The following CMIP variants were observed in gnomAD, a reference collection of about 807,000 sequenced individuals.
CMIP encodes C-Maf-inducing protein.
CMIP carries 13 observed loss-of-function variants against 97.3 expected under a neutral mutation model. The ratio of observed to expected loss-of-function variants is 0.13; its 90% confidence interval spans 0.09 to 0.21. CMIP has a LOEUF of 0.21. CMIP is among the 10% of genes least tolerant of loss of function. The pLI is 1.00. For missense variants in CMIP, 847 were observed against 1,024.9 expected, an observed-to-expected ratio of 0.83 and a Z score of 2.37; for synonymous variants, 538 against 436.3, an observed-to-expected ratio of 1.23 and a Z score of -2.91.
intron 1 of CMIP, among the ~76,000 whole-genome samples, chr16:81,446,075 G>T (rs141278020): frequency 1.4e-3 from 206 of 152,204 alleles, no homozygotes; most frequent in African/African-American, 4.7e-3. Flanking sequence ...TTTCCTGCCA[G>T]GGCTGGCAGG....
intron 1 of CMIP, among the ~76,000 whole-genome samples, chr16:81,447,911 G>T (rs1905960088): frequency 6.6e-6 from 1 of 152,220 alleles, no homozygotes; most frequent in Admixed American, 6.5e-5. Context: ...TGAGACACCT[G>T]GTTGGTGTCC....
intron 13 of CMIP, among the ~76,000 whole-genome samples, chr16:81,694,967 A>G (rs1906536610): frequency 6.6e-6 from 1 of 152,222 alleles, no homozygotes; most frequent in African/African-American, 2.4e-5. Flanking sequence ...CCACCTGTGA[A>G]GACAGCGTCT....
In CMIP at chr16:81,655,214, C is replaced by T. The variant is rs1597203773; in HGVS notation, c.640-2561C>T. The stretch of plus-strand genomic sequence containing the variant: ...AACATCTGCCTTCGACCTCCGTGCC[C>T]TGTTTTGGGGCTGGGTTGTTTCTCT... On this transcript the variant is annotated intron_variant, in intron 4 of 20. Coordinates refer to ENST00000537098, the MANE Select transcript of CMIP (RefSeq NM_198390.3). The surrounding 1 kb of genome is among the most constrained non-coding windows in gnomAD (Gnocchi z 4.9). 6.6e-6 allele frequency among the ~76,000 whole-genome samples: 1 copy of T among 152,118 alleles called. No homozygotes were observed. Among genetic ancestry groups the T allele is most frequent in the Non-Finnish European group, 1.5e-5 (1 of 68,024 alleles).
intron 7 of CMIP, chr16:81,664,800 A>G (rs1413958837): frequency 5.5e-5 from 17 of 311,334 alleles, no homozygotes; most frequent in Non-Finnish European, 5.8e-6. Flanking sequence ...ATCAAGGTCA[A>G]CATCGACAAC....
At chr16:81,604,417 G>T (rs1196952263) in intron 1 of CMIP, among the ~76,000 whole-genome samples, 1 of 121,372 alleles carries the variant, frequency 8.2e-6, no homozygotes, top group Non-Finnish European at 1.7e-5. Context: ...AAAAAAAAAA[G>T]GACCGGCTGC....
chr16:81,701,386 C>A (rs1907383778), intron 15 of CMIP, among the ~76,000 whole-genome samples: 1 of 152,206 alleles, frequency 6.6e-6, no homozygotes, highest in Non-Finnish European at 1.5e-5. Flanking sequence ...CGGGGGCCTG[C>A]CCCATGTCCA....
chr16:81,577,684 A>G (rs906653101), intron 1 of CMIP, among the ~76,000 whole-genome samples: 2 of 149,482 alleles, frequency 1.3e-5, no homozygotes. Context: ...TTACCACTAC[A>G]TTATTATCAC....
chr16:81,678,337 A>T lies in CMIP; in HGVS notation c.1097A>T (p.Lys366Met). The T allele has an allele frequency of 6.2e-7, 1 of 1,611,478 alleles. No individual in the cohort carries two copies. Among genetic ancestry groups the T allele is most frequent in the Non-Finnish European group, 8.5e-7 (1 of 1,178,236 alleles). Residue 366 changes from lysine to methionine, a missense_variant, in exon 10 of 21, where the codon AAG (lysine) becomes ATG (methionine). Physicochemically the swap from Lys to Met is moderately conservative, Grantham distance 95. Transcript: ENST00000537098. ...GGCTGCCAGCAGCCGTGCGACCGGA[A>T]GCCCACTTTACCTCTGCGCCTTCTG... Reference protein sequence around the residue: ...RNGCQQPCDRKPTLPLRLLHP... With the variant: ...RNGCQQPCDRMPTLPLRLLHP...
intron 1 of CMIP, among the ~76,000 whole-genome samples, chr16:81,540,643 A>AGAGT (rs1179346577): frequency 7.0e-6 from 1 of 141,876 alleles, no homozygotes; most frequent in African/African-American, 2.7e-5. Flanking sequence ...TCTTGTTTTG[A>AGAGT]GTGTGTGTGT....
At chr16:81,570,169 GT>G (rs1157345996) in intron 1 of CMIP, among the ~76,000 whole-genome samples, 2 of 152,144 alleles carry the variant, frequency 1.3e-5, no homozygotes, top group Admixed American at 1.3e-4. Context: ...GACAGCTGTA[GT>G]TTTTTTGTGT....
chr16:81,545,185 A>G (rs1013260293), intron 1 of CMIP, among the ~76,000 whole-genome samples: 4 of 152,158 alleles, frequency 2.6e-5, no homozygotes, highest in Non-Finnish European at 5.9e-5. Context: ...TCCTCCCTGC[A>G]GGGTGCCTTA....
At chr16:81,513,265 G>C (rs933243837) in intron 1 of CMIP, among the ~76,000 whole-genome samples, 10 of 152,230 alleles carry the variant, frequency 6.6e-5, no homozygotes, top group African/African-American at 1.4e-4. Context: ...AGAGTGTGGG[G>C]CTTCCTGCCA....
chr16:81,594,122 C>G lies in CMIP; in HGVS notation c.301-13445C>G, dbSNP rs369730755. ...CTCCCCCTCCTCCCCATTCTCCCCC[C>G]TCCTCCCTTTTTTGAGACAAGATCT... On this transcript the variant is annotated intron_variant, in intron 1 of 20. Coordinates refer to ENST00000537098, the MANE Select transcript of CMIP (RefSeq NM_198390.3). Among the ~76,000 whole-genome samples, 20 of 137,520 alleles carry G rather than the reference C, an allele frequency of 1.5e-4. No individual in the cohort carries two copies. The South Asian group carries it at 5.2e-3, about 36-fold the overall frequency. 90.2% of individuals were successfully genotyped at this position (137,520 alleles called of 152,430 possible). A position where few individuals can be genotyped will look rare whatever the true frequency, so the allele number is the denominator to read the frequency against.
At chr16:81,488,675 C>T (rs1597469689) in intron 1 of CMIP, among the ~76,000 whole-genome samples, 1 of 152,234 alleles carries the variant, frequency 6.6e-6, no homozygotes, top group South Asian at 2.1e-4. Flanking sequence ...CCTTGCTTTA[C>T]CGCAGCACCA....
intron 1 of CMIP, among the ~76,000 whole-genome samples, chr16:81,454,095 G>A (rs931268594): frequency 6.6e-6 from 1 of 152,210 alleles, no homozygotes; most frequent in African/African-American, 2.4e-5. Flanking sequence ...TGGGTTTGAG[G>A]TTGGGGGCAT....
intron 20 of CMIP, 54 bp from the exon 21 acceptor site, chr16:81,709,692 G>A (rs1009280593): frequency 3.7e-6 from 6 of 1,601,468 alleles, no homozygotes; most frequent in Non-Finnish European, 5.1e-6. Context: ...GGCACTGGCA[G>A]CTTCTGCAAG....
intron 1 of CMIP, among the ~76,000 whole-genome samples, chr16:81,483,720 C>T (rs1056217487): frequency 6.6e-6 from 1 of 152,198 alleles, no homozygotes; most frequent in African/African-American, 2.4e-5. Context: ...GGACCTTTCT[C>T]GGCCATCCCC....
In CMIP at chr16:81,494,551, G is replaced by A. The variant is rs946898429; in HGVS notation, c.300+49010G>A. 6.6e-5 allele frequency among the ~76,000 whole-genome samples: 10 copies of A among 152,290 alleles called. No homozygotes were observed. The East Asian group carries it at 7.7e-4, about 12-fold the overall frequency. On this transcript the variant is annotated intron_variant, in intron 1 of 20. Coordinates refer to ENST00000537098, the MANE Select transcript of CMIP (RefSeq NM_198390.3). ...GGACACACTCCCCTCAGGAAGCACG[G>A]TATCAAAGAGGGTCAGGAGGAGCCC...
At chr16:81,485,430 C>T (rs2089299675) in intron 1 of CMIP, among the ~76,000 whole-genome samples, 2 of 152,166 alleles carry the variant, frequency 1.3e-5, no homozygotes, top group Admixed American at 1.3e-4. Context: ...GCAAGTGGTT[C>T]TGGTTCATGA....
Sources: allele counts gnomAD v4.1 joint callset (sites outside exome capture counted in the v4.1 genomes callset), GRCh38; gene constraint gnomAD v4.1.1; non-coding constraint Gnocchi (gnomAD v3.1); transcripts MANE v1.5; gene names NCBI Gene and HGNC (gene_info 2026-07-23, HGNC 2026-07-21).